ARL6IP4: variants seen among roughly 807,000 people sequenced by gnomAD.
The protein encoded by ARL6IP4 is ARF like GTPase 6 interacting protein 4.
ARL6IP4 carries 24 observed loss-of-function variants against 28.1 expected under a neutral mutation model. The observed-to-expected ratio is 0.86, with a 90% CI of 0.62 to 1.20. The LOEUF (loss-of-function observed/expected upper bound fraction) is 1.20, where lower values mean the gene tolerates loss of function less well. Ranked by LOEUF, ARL6IP4 falls within the 50% of genes most tolerant of loss-of-function variation. The pLI, the probability that ARL6IP4 is intolerant of heterozygous loss-of-function variation, is 0.00. For missense variants in ARL6IP4, 343 were observed against 302.4 expected (o/e 1.13, Z -1.00); for synonymous variants, 162 against 122.3 (o/e 1.32, Z -2.14).
At position 122,982,841 on chromosome 12, in the gene ARL6IP4, A is replaced by G; in HGVS notation, c.*165A>G. The G allele has an allele frequency of 1.4e-6, 1 of 708,098 alleles. No individual in the cohort carries two copies. The highest frequency in any genetic ancestry group is 2.7e-5 in the East Asian group (1 of 36,900). 43.9% of individuals were successfully genotyped at this position (708,098 alleles called of 1,614,324 possible). On this transcript the variant is annotated 3_prime_UTR_variant, in exon 6 of 6. Coordinates refer to ENST00000315580, the MANE Select transcript of ARL6IP4 (RefSeq NM_018694.4). ...GGGGCAGGGGGTGGAGGTTGGGGTC[A>G]CCGGCCTGCTTGGCACCCCCATCTG...
Position 122,982,616 on chromosome 12 carries a change from C to T in ARL6IP4, c.658-4C>T, listed in dbSNP as rs57958739. On this transcript the variant is annotated splice_region_variant and splice_polypyrimidine_tract_variant and intron_variant, in intron 5 of 5. Transcript: ENST00000315580. ...CCCCTCCTCCTGTGTGCTTTCTTCC[C>T]CAGCAAGCCACCCGAGGGGACTGCC... 3 of 1,613,998 alleles carry T rather than the reference C, an allele frequency of 1.9e-6. No homozygotes were observed. The highest frequency in any genetic ancestry group is 1.3e-5 in the African/African-American group (1 of 74,930).
Position 122,981,688 on chromosome 12 carries a change from C to G in ARL6IP4, c.278C>G (p.Ser93Cys), listed in dbSNP as rs952323363. 84 of 1,553,304 alleles carry G rather than the reference C, an allele frequency of 5.4e-5. No homozygotes were observed. The highest frequency in any genetic ancestry group is 7.3e-5 in the Non-Finnish European group (84 of 1,147,896). ...AGCTCCTCTTCTTCCTCCTCGTCCT[C>G]CTCCTCTTCCTCCAGTGATGGCCGG... ...SSSSSSSSSS[S>C]SSSSSDGRKK... Residue 93 changes from serine to cysteine, a missense_variant, in exon 3 of 6, where the codon TCC (serine) becomes TGC (cysteine). Physicochemically the swap from Ser to Cys is moderately radical, Grantham distance 112. Coordinates refer to ENST00000315580, the MANE Select transcript of ARL6IP4 (RefSeq NM_018694.4).
chr12:122,981,486 A>C, intron 2 of ARL6IP4, 85 bp from the exon 3 acceptor site: 1 of 1,413,040 alleles, frequency 7.1e-7, no homozygotes, highest in South Asian at 1.5e-5. Flanking sequence ...GCCCCTCAGG[A>C]AGCGCTCACC....
Position 122,981,739 on chromosome 12 carries a change from A to G in ARL6IP4, c.329A>G (p.Lys110Arg). The G allele has an allele frequency of 6.4e-7, 1 of 1,554,190 alleles. No individual in the cohort carries two copies. The highest frequency in any genetic ancestry group is 1.2e-5 in the South Asian group (1 of 84,552). The change falls in exon 3 of 6, where the codon AAG becomes AGG. Residue 110 changes from lysine to arginine, a missense_variant. Coordinates refer to ENST00000315580, the MANE Select transcript of ARL6IP4 (RefSeq NM_018694.4). ...AAGAAGCGGGGGAAGTACAAGGACA[A>G]GAGGAGGAAGAAGAAGAAGAAGAGG... ...GRKKRGKYKD[K>R]RRKKKKKRKK...
At position 122,981,452 on chromosome 12, in the gene ARL6IP4, G is replaced by A. The variant is rs532457406; in HGVS notation, c.161-119G>A. ...AGGAGCCAGGAAGGGGCTCCTCTGG[G>A]AAGCTCCATCTCTGTTCTGGAAAGC... On this transcript the variant is annotated intron_variant, in intron 2 of 5. Coordinates refer to ENST00000315580, the MANE Select transcript of ARL6IP4 (RefSeq NM_018694.4). 23 of 1,388,862 alleles carry A rather than the reference G, an allele frequency of 1.7e-5. No individual in the cohort carries two copies. The African/African-American group carries it at 3.2e-4, about 19-fold the overall frequency. The allele number at this position is 1,388,862 out of a possible 1,614,324, so 86.0% of individuals were successfully genotyped here. A position where few individuals can be genotyped will look rare whatever the true frequency, so the allele number is the denominator to read the frequency against.
At chr12:122,982,571 C>T (rs764855816) in intron 5 of ARL6IP4, 33 bp downstream of exon 5, 1 of 1,614,166 alleles carries the variant, frequency 6.2e-7, no homozygotes, top group Admixed American at 1.7e-5. Context: ...CCATCCGCCC[C>T]CAGCTCTGTT....
At position 122,982,552 on chromosome 12, in the gene ARL6IP4, C is replaced by T. The variant is rs1410287790; in HGVS notation, c.657+14C>T. On this transcript the variant is annotated intron_variant, in intron 5 of 5. Transcript: ENST00000315580. ...GAGATCAACAAGGTGGGTGTGGCCC[C>T]TCTGCCTGCCATCCGCCCCCAGCTC... The T allele has an allele frequency of 1.2e-6, 2 of 1,614,178 alleles. No homozygotes were observed. The highest frequency in any genetic ancestry group is 2.2e-5 in the South Asian group (2 of 91,082).
At position 122,981,668 on chromosome 12, in the gene ARL6IP4, C is replaced by T. The variant is rs117153243; in HGVS notation, c.258C>T (p.Ser86=). 675 of 1,555,054 alleles carry T rather than the reference C, an allele frequency of 4.3e-4. 4 individuals are homozygous for T. The East Asian group carries it at 0.015, about 35-fold the overall frequency. ...CCTCTTCTTCCAGTTCTTCTAGCTCCTCTTCTTCCTCCTCGTCCTCCTCCT... is the reference window on the plus strand; with the variant it reads ...CCTCTTCTTCCAGTTCTTCTAGCTCTTCTTCTTCCTCCTCGTCCTCCTCCT... The part of the protein sequence containing the change: ...SSSSSSSSSS[S]SSSSSSSSSS... The change falls in exon 3 of 6, where the codon TCC becomes TCT. Residue 86 remains serine, a synonymous_variant. Coordinates refer to ENST00000315580, the MANE Select transcript of ARL6IP4 (RefSeq NM_018694.4).
upstream of ARL6IP4, chr12:122,980,564 G>T: frequency 1.5e-6 from 2 of 1,364,116 alleles, no homozygotes; most frequent in Non-Finnish European, 1.9e-6. Context: ...CGGCGCCCCT[G>T]CTTGCCTCTG....
rs200863497 is a variant in ARL6IP4 at position 122,982,493 on chromosome 12, C to T, written c.612C>T (p.Val204=). 3.0e-4 allele frequency: 481 copies of T among 1,614,030 alleles called. No individual in the cohort carries two copies. Among genetic ancestry groups the T allele is most frequent in the Middle Eastern group, 8.2e-4 (5 of 6,062 alleles). The part of the protein sequence containing the change: ...RTRLIKGDGE[V]LEEIVTKERH... ...GGCTTATTAAGGGAGATGGCGAGGT[C>T]CTAGAGGAAATCGTAACCAAAGAAC... The change falls in exon 5 of 6, where the codon GTC becomes GTT. Residue 204 remains valine, a synonymous_variant. Transcript: ENST00000315580.
chr12:122,981,476 GC>G (rs1387756642), intron 2 of ARL6IP4, 94 bp from the exon 3 acceptor site: 1 of 1,401,556 alleles, frequency 7.1e-7, no homozygotes, highest in East Asian at 2.5e-5. Flanking sequence ...GTTCTGGAAA[GC>G]CCCTCAGGAA....
chr12:122,982,099 C>T (rs773387683), intron 4 of ARL6IP4, 25 bp downstream of exon 4: 61 of 1,606,644 alleles, frequency 3.8e-5, no homozygotes, highest in Middle Eastern at 1.6e-4. Flanking sequence ...GCCTGACTTA[C>T]ACCACAGGAT....
Position 122,982,820 on chromosome 12 carries a change from C to A in ARL6IP4, c.*144C>A. On this transcript the variant is annotated 3_prime_UTR_variant, in exon 6 of 6. Coordinates refer to ENST00000315580, the MANE Select transcript of ARL6IP4 (RefSeq NM_018694.4). ...GCCCAGCCCAGTCTCTTCTCAGGGG[C>A]AGGGGGTGGAGGTTGGGGTCACCGG... The A allele has an allele frequency of 1.1e-6, 1 of 879,466 alleles. No individual in the cohort carries two copies. Among genetic ancestry groups the A allele is most frequent in the South Asian group, 1.6e-5 (1 of 63,554 alleles). The allele number at this position is 879,466 out of a possible 1,614,324, so 54.5% of individuals were successfully genotyped here. A position where few individuals can be genotyped will look rare whatever the true frequency, so the allele number is the denominator to read the frequency against.
At chr12:122,980,507 C>T, upstream of ARL6IP4, 1 of 1,364,590 alleles carries the variant, frequency 7.3e-7, no homozygotes, top group Middle Eastern at 2.2e-4. Context: ...TGGAAGTGGG[C>T]GCAGCTTCGG....
chr12:122,982,475 T>C lies in ARL6IP4; in HGVS notation c.594T>C (p.Ile198=). The part of the protein sequence containing the change: ...VDPETGRTRL[I]KGDGEVLEEI... ...GAGACCCTCCCACCCCCAGGCTTAT[T>C]AAGGGAGATGGCGAGGTCCTAGAGG... The change falls in exon 5 of 6, where the codon ATT becomes ATC. Residue 198 remains isoleucine (I), a synonymous_variant. Transcript: ENST00000315580. The C allele has an allele frequency of 6.2e-7, 1 of 1,613,356 alleles. No individual in the cohort carries two copies. The highest frequency in any genetic ancestry group is 8.5e-7 in the Non-Finnish European group (1 of 1,179,672).
At chr12:122,980,403 C>G, upstream of ARL6IP4, 1 of 1,369,676 alleles carries the variant, frequency 7.3e-7, no homozygotes, top group Non-Finnish European at 9.4e-7. Context: ...GAGGGCAGGA[C>G]CAGCCGGGGA....
Position 122,982,411 on chromosome 12 carries a change from C to T in ARL6IP4, c.588-58C>T, listed in dbSNP as rs2037724969. On this transcript the variant is annotated intron_variant, in intron 4 of 5. Coordinates refer to ENST00000315580, the MANE Select transcript of ARL6IP4 (RefSeq NM_018694.4). Reference sequence around the variant, plus strand: ...TCTGCCGGCTGCTTGTGGTTCTGCTCCTCTGGCATTAGGGGACCTGCCTAT... The same window carrying T: ...TCTGCCGGCTGCTTGTGGTTCTGCTTCTCTGGCATTAGGGGACCTGCCTAT... 2.0e-6 allele frequency: 3 copies of T among 1,507,804 alleles called. No individual in the cohort carries two copies. The Admixed American group carries it at 5.8e-5, about 29-fold the overall frequency. 93.4% of individuals were successfully genotyped at this position (1,507,804 alleles called of 1,614,324 possible). A position where few individuals can be genotyped will look rare whatever the true frequency, so the allele number is the denominator to read the frequency against.
At chr12:122,980,430 G>T, upstream of ARL6IP4, 1 of 1,362,084 alleles carries the variant, frequency 7.3e-7, no homozygotes, top group Non-Finnish European at 9.5e-7. Flanking sequence ...CGGCGCGCGC[G>T]AGGGTCGCCT....
At chr12:122,981,493 C>A in intron 2 of ARL6IP4, 78 bp from the exon 3 acceptor site, 2 of 1,422,714 alleles carry the variant, frequency 1.4e-6, no homozygotes, top group South Asian at 1.5e-5. Flanking sequence ...AGGAAGCGCT[C>A]ACCCTGTAGC....
Sources: gnomAD v4.1 joint callset for allele counts on GRCh38, gnomAD v4.1.1 for gene constraint, MANE v1.5 for transcripts, NCBI Gene and HGNC (gene_info 2026-07-23, HGNC 2026-07-21) for gene names.